TMEM9: variants seen among roughly 807,000 people sequenced by gnomAD.
The protein encoded by TMEM9 is transmembrane protein 9.
A neutral mutation model predicts 22.8 loss-of-function variants in TMEM9; 13 were observed. The observed-to-expected ratio is 0.57, with a 90% confidence interval of 0.37 to 0.91. The LOEUF (loss-of-function observed/expected upper bound fraction) is 0.91. Ranked by LOEUF, TMEM9 falls within the 40% of genes least tolerant of loss-of-function variation. The probability of loss-of-function intolerance (pLI) is 0.01; values close to 1 mark genes in which losing one functional copy is unlikely to be tolerated. For synonymous variants in TMEM9, 88 were observed against 93.0 expected (o/e 0.95, Z 0.31); for missense variants, 182 against 238.1 (o/e 0.76, Z 1.55).
chr1:201,170,036 G>A (rs1369136557), intron 1 of TMEM9, among the ~76,000 whole-genome samples: 4 of 152,024 alleles, frequency 2.6e-5, no homozygotes, highest in Non-Finnish European at 4.4e-5. Context: ...AAAAAAAAGA[G>A]TTTGTTGGAA....
At chr1:201,143,237 T>C (rs1450467623) in intron 4 of TMEM9, among the ~76,000 whole-genome samples, 2 of 152,226 alleles carry the variant, frequency 1.3e-5, no homozygotes, top group Non-Finnish European at 2.9e-5. Flanking sequence ...CTAAATCTAC[T>C]GGCCAGCTCT....
chr1:201,158,438 G>GGGGGGGGGCA, upstream of TMEM9, among the ~76,000 whole-genome samples: 1 of 151,194 alleles, frequency 6.6e-6, no homozygotes, highest in East Asian at 1.9e-4. Flanking sequence ...CTGGTGGGGG[G>GGGGGGGGGCA]TGGGGGCGGG....
At chr1:201,155,236 T>A (rs1351528153), upstream of TMEM9, among the ~76,000 whole-genome samples, 1 of 151,870 alleles carries the variant, frequency 6.6e-6, no homozygotes, top group Non-Finnish European at 1.5e-5. Context: ...ATACCTCCCT[T>A]CTCTGGGCCT....
chr1:201,151,693 A>G (rs1050779689), intron 2 of TMEM9, 68 bp downstream of exon 2: 34 of 1,196,004 alleles, frequency 2.8e-5, no homozygotes, highest in Non-Finnish European at 3.5e-5. Flanking sequence ...CCAGGGTCCA[A>G]GAACTCTAGT....
At chr1:201,159,575 CT>C (rs35944174) in intron 1 of TMEM9, among the ~76,000 whole-genome samples, 83,264 of 133,662 alleles carry the variant, frequency 0.62, 26,146 homozygotes, top group East Asian at 0.81. Flanking sequence ...GCAATTAAAC[CT>C]TTTTTTTTTT....
intron 2 of TMEM9, among the ~76,000 whole-genome samples, chr1:201,148,832 C>T (rs954168956): frequency 6.6e-5 from 10 of 152,242 alleles, no homozygotes; most frequent in African/African-American, 2.4e-4. Context: ...CTGCTCTGAG[C>T]AGGTCTCCCC....
intron 4 of TMEM9, among the ~76,000 whole-genome samples, chr1:201,137,183 T>C (rs1664073782): frequency 6.6e-6 from 1 of 152,234 alleles, no homozygotes; most frequent in East Asian, 1.9e-4. Flanking sequence ...TGTGGCCATG[T>C]CAGGCAGGGG....
intron 1 of TMEM9, among the ~76,000 whole-genome samples, chr1:201,170,856 C>T (rs1666193915): frequency 6.6e-6 from 1 of 152,246 alleles, no homozygotes; most frequent in African/African-American, 2.4e-5. Flanking sequence ...ATCCCGTCAC[C>T]ACCCCGTCCA....
At chr1:201,144,388 G>A in intron 3 of TMEM9, 1 of 197,816 alleles carries the variant, frequency 5.1e-6, no homozygotes. Flanking sequence ...AACCTGGGCT[G>A]GTGGGCTCAT....
At chr1:201,143,114 G>A (rs1206369257) in intron 4 of TMEM9, among the ~76,000 whole-genome samples, 2 of 152,206 alleles carry the variant, frequency 1.3e-5, no homozygotes, top group East Asian at 1.9e-4. Context: ...CCCCACCATT[G>A]CATGAACTCC....
At position 201,138,827 on chromosome 1, in the gene TMEM9, C is replaced by T. The variant is rs186189486; in HGVS notation, c.400-3012G>A. Reference sequence around the variant, plus strand: ...CTGCATGGCTGTTTAGTGGCCAAGTCGGAATTTGAACCCATGTACGTATAT... The same window carrying T: ...CTGCATGGCTGTTTAGTGGCCAAGTTGGAATTTGAACCCATGTACGTATAT... On this transcript the variant is annotated intron_variant, in intron 4 of 4. Coordinates refer to ENST00000367330, the MANE Select transcript of TMEM9 (RefSeq NM_001288565.2). Among the ~76,000 whole-genome samples the T allele has an allele frequency of 5.7e-4, 87 of 152,320 alleles. No individual in the cohort carries two copies. The East Asian group carries it at 0.012, about 21-fold the overall frequency.
At chr1:201,148,116 C>T (rs1046449241) in intron 2 of TMEM9, among the ~76,000 whole-genome samples, 4 of 152,138 alleles carry the variant, frequency 2.6e-5, no homozygotes, top group African/African-American at 9.7e-5. Flanking sequence ...AAGAGTAGAC[C>T]CACTTTCATC....
Position 201,154,159 on chromosome 1 carries a change from G to A in TMEM9, c.-236C>T, listed in dbSNP as rs1454845476. On this transcript the variant is annotated 5_prime_UTR_variant, in exon 1 of 5. Transcript: ENST00000367330. ...TCTCCGCCAGCCACCTGGTGAGCCC[G>A]GCAGAGGGGTCCTCGAGGGGACACC... 3 of 529,382 alleles carry A rather than the reference G, an allele frequency of 5.7e-6. No individual in the cohort carries two copies. The allele number at this position is 529,382 out of a possible 1,614,324, so 32.8% of individuals were successfully genotyped here. A position where few individuals can be genotyped will look rare whatever the true frequency, so the allele number is the denominator to read the frequency against.
At chr1:201,150,450 T>C (rs6427884) in intron 2 of TMEM9, among the ~76,000 whole-genome samples, 110,764 of 152,204 alleles carry the variant, frequency 0.73, 40,518 homozygotes, top group Non-Finnish European at 0.77. Context: ...CCTGTGCACA[T>C]ACACGCACAA....
At chr1:201,147,252 A>G (rs949930899) in intron 2 of TMEM9, among the ~76,000 whole-genome samples, 8 of 152,162 alleles carry the variant, frequency 5.3e-5, no homozygotes, top group Middle Eastern at 3.2e-3. Context: ...TATGAGCTAC[A>G]GGAGTCACTA....
intron 1 of TMEM9, among the ~76,000 whole-genome samples, chr1:201,162,681 G>A (rs1665974831): frequency 6.6e-6 from 1 of 152,036 alleles, no homozygotes; most frequent in East Asian, 1.9e-4. Flanking sequence ...CTAGGGCTAG[G>A]CAAAGAGTTC....
At chr1:201,146,235 C>G (rs1664951912) in intron 3 of TMEM9, among the ~76,000 whole-genome samples, 1 of 152,182 alleles carries the variant, frequency 6.6e-6, no homozygotes, top group African/African-American at 2.4e-5. Context: ...GAAGGTGGTT[C>G]AGGAAAACAC....
upstream of TMEM9, among the ~76,000 whole-genome samples, chr1:201,156,289 G>A (rs969832623): frequency 1.3e-5 from 2 of 152,154 alleles, no homozygotes; most frequent in African/African-American, 4.8e-5. Flanking sequence ...GTCCCCAGGA[G>A]GTAGCTATCA....
At chr1:201,152,143 G>C (rs1034904064) in intron 1 of TMEM9, among the ~76,000 whole-genome samples, 5 of 145,924 alleles carry the variant, frequency 3.4e-5, no homozygotes, top group Non-Finnish European at 7.4e-5. Flanking sequence ...AATGCGGGGA[G>C]AGGGATGAGG....
Sources: allele counts gnomAD v4.1 joint callset (sites outside exome capture counted in the v4.1 genomes callset), GRCh38; gene constraint gnomAD v4.1.1; transcripts MANE v1.5; gene names NCBI Gene and HGNC (gene_info 2026-07-23, HGNC 2026-07-21).